Variants in MUC4 observed in about 807,000 individuals in gnomAD.
The protein encoded by MUC4 is mucin 4, cell surface associated.
In MUC4, 202 loss-of-function variants were observed where a neutral mutation model predicts 257.9. That is an observed-to-expected ratio of 0.78 (90% CI 0.70 to 0.88). The LOEUF is 0.88. Among genes scored for constraint, MUC4 ranks in the 40% least tolerant of loss-of-function variants. The pLI is 0.00. For missense variants in MUC4, 5,976 were observed against 6,513.7 expected, an observed-to-expected ratio of 0.92 and a Z score of 2.84; for synonymous variants, 2,351 against 2,757.1, an observed-to-expected ratio of 0.85 and a Z score of 4.62.
chr3:195,790,461 A>G lies in MUC4; in HGVS notation c.1119T>C (p.Gly373=). The G allele has an allele frequency of 6.2e-7, 1 of 1,613,956 alleles. No individual in the cohort carries two copies. The highest frequency in any genetic ancestry group is 8.5e-7 in the Non-Finnish European group (1 of 1,179,850). The change falls in exon 2 of 25, where the codon GGT becomes GGC. Residue 373 remains glycine, a synonymous_variant. Transcript: ENST00000463781. ...GTVSQETFPS[G]ETTTSSPSSV... Reference sequence around the variant, plus strand: ...TGGAAGGGGATGAGGTGGTTGTTTCACCAGAAGGGAATGTCTCCTGAGAAA... The same window carrying G: ...TGGAAGGGGATGAGGTGGTTGTTTCGCCAGAAGGGAATGTCTCCTGAGAAA...
At chr3:195,754,815 CAT>C (rs1212331453) in intron 18 of MUC4, among the ~76,000 whole-genome samples, 43 of 17,328 alleles carry the variant, frequency 2.5e-3, no homozygotes, top group Non-Finnish European at 0.012. Context: ...TGTATGTATC[CAT>C]GTGTGTATCC....
intron 7 of MUC4, 46 bp from the exon 8 acceptor site, chr3:195,766,797 T>G: frequency 4.3e-5 from 68 of 1,565,368 alleles, no homozygotes; most frequent in Non-Finnish European, 5.5e-5. Context: ...GCACAGGCTC[T>G]TGCCTCGCGG....
At chr3:195,805,765 G>A (rs1560422595) in intron 1 of MUC4, among the ~76,000 whole-genome samples, 1 of 151,948 alleles carries the variant, frequency 6.6e-6, no homozygotes, top group Admixed American at 6.5e-5. Flanking sequence ...CCAGAGTGCT[G>A]GGATGACAGC....
chr3:195,751,632 G>A (rs1279810846), intron 21 of MUC4: 4 of 383,572 alleles, frequency 1.0e-5, no homozygotes, highest in Non-Finnish European at 1.9e-5. Flanking sequence ...GATGGTCGGG[G>A]CTGGGGGTGT....
At position 195,784,932 on chromosome 3, in the gene MUC4, T is replaced by C. The variant is rs751630829; in HGVS notation, c.6648A>G (p.Ser2216=). The C allele has an allele frequency of 7.0e-7, 1 of 1,435,556 alleles. No homozygotes were observed. Among genetic ancestry groups the C allele is most frequent in the Non-Finnish European group, 9.5e-7 (1 of 1,054,010 alleles). The allele number at this position is 1,435,556 out of a possible 1,614,324, so 88.9% of individuals were successfully genotyped here. A position where few individuals can be genotyped will look rare whatever the true frequency, so the allele number is the denominator to read the frequency against. Residue 2216 remains serine (S), a synonymous_variant, in exon 2 of 25, where the codon TCA becomes TCG. Transcript: ENST00000463781. ...ATPLPVTSPS[S]ASTGHAIPLL... is the part of the protein sequence containing the mutation. Reference sequence around the variant, plus strand: ...GAGGGATGGCGTGACCTGTGGATGCTGAGGAAGGGCTGGTGACAGGAAGAG... The same window carrying C: ...GAGGGATGGCGTGACCTGTGGATGCCGAGGAAGGGCTGGTGACAGGAAGAG...
Position 195,781,175 on chromosome 3 carries a change from C to T in MUC4, c.10405G>A (p.Asp3469Asn), listed in dbSNP as rs76458038. Residue 3469 changes from aspartate (D) to asparagine (N), a missense_variant, in exon 2 of 25, where the codon GAC becomes AAC. Transcript: ENST00000463781. ...VTDTSSASTGDTTPLPVTSPS... is the reference protein window; with the variant it reads ...VTDTSSASTGNTTPLPVTSPS... The stretch of plus-strand genomic sequence containing the variant: ...CTGGTGACAGGAAGAGGGGTGGTGT[C>T]ACCTGTGGATGCTGAGGAAGTGTCG... The T allele has an allele frequency of 2.6e-5, 27 of 1,036,146 alleles. No homozygotes were observed. Among genetic ancestry groups the T allele is most frequent in the Admixed American group, 3.4e-5 (1 of 29,730 alleles). The allele number at this position is 1,036,146 out of a possible 1,614,324, so 64.2% of individuals were successfully genotyped here.
chr3:195,754,952 G>GTGTATCCATATGTGTA (rs1717359525), intron 18 of MUC4, among the ~76,000 whole-genome samples: 1 of 129,282 alleles, frequency 7.7e-6, no homozygotes, highest in Admixed American at 7.9e-5. Context: ...ATCCATATGT[G>GTGTATCCATATGTGTA]TGTATCCATG....
chr3:195,801,552 G>A (rs1226336263), intron 1 of MUC4, among the ~76,000 whole-genome samples: 1 of 151,918 alleles, frequency 6.6e-6, no homozygotes, highest in East Asian at 1.9e-4. Flanking sequence ...GGTGTCTGTT[G>A]GCCTAAAACA....
intron 18 of MUC4, among the ~76,000 whole-genome samples, chr3:195,754,822 G>A (rs1265749215): frequency 6.6e-6 from 1 of 151,684 alleles, no homozygotes; most frequent in African/African-American, 2.4e-5. Flanking sequence ...ATCCATGTGT[G>A]TATCCATGTG....
rs1181738703 is a variant in MUC4, at chr3:195,764,134, C to T, written c.13955G>A (p.Cys4652Tyr). The T allele has an allele frequency of 1.3e-6, 2 of 1,585,398 alleles. No homozygotes were observed. Among genetic ancestry groups the T allele is most frequent in the Non-Finnish European group, 8.6e-7 (1 of 1,166,172 alleles). ...AQELEPQSWC[C>Y]RWNDKPYLCA... ...GAGGTAGGGCTTGTCATTCCAGCGGCAGCACCAGCTCTGTGGCTCCAGTTC... is the reference window on the plus strand; with the variant it reads ...GAGGTAGGGCTTGTCATTCCAGCGGTAGCACCAGCTCTGTGGCTCCAGTTC... The change falls in exon 11 of 25, where the codon TGC (cysteine) becomes TAC (tyrosine). Residue 4652 changes from cysteine (C) to tyrosine (Y), a missense_variant. This residue lies in a region of MUC4 where 996 missense variants were observed against 1,137.3 expected (regional missense o/e 0.88). Transcript: ENST00000463781.
chr3:195,811,634 C>G, intron 1 of MUC4, 102 bp downstream of exon 1: 1 of 655,072 alleles, frequency 1.5e-6, no homozygotes, highest in Non-Finnish European at 2.4e-6. Context: ...CCCCTATTCT[C>G]TCTCTCTCTC....
At chr3:195,763,984 C>A (rs957023412) in intron 11 of MUC4, 61 bp downstream of exon 11, 25 of 1,558,464 alleles carry the variant, frequency 1.6e-5, no homozygotes, top group Non-Finnish European at 2.2e-5. Context: ...TGCCACCTCC[C>A]GGAAGCCCAG....
chr3:195,760,314 G>A (rs189193242), intron 16 of MUC4, among the ~76,000 whole-genome samples: 4 of 152,342 alleles, frequency 2.6e-5, no homozygotes, highest in African/African-American at 4.8e-5. Context: ...GAATGAAGAC[G>A]TAAAGAAGGT....
At chr3:195,763,991 C>G in intron 11 of MUC4, 54 bp downstream of exon 11, 1 of 1,571,272 alleles carries the variant, frequency 6.4e-7, no homozygotes, top group South Asian at 1.2e-5. Context: ...TCCCGGAAGC[C>G]CAGAAGCTCC....
In MUC4 at chr3:195,778,437, A is replaced by G; in HGVS notation, c.12809T>C (p.Leu4270Pro). ...TGTGCGTCTCCCACCGTCTGTCTTC[A>G]GTGACGGTGTTGTCATTCCTGGACA... ...METPGMTTPS[L>P]KTDGGRRTAT... The change falls in exon 3 of 25, where the codon CTG becomes CCG. Residue 4270 changes from leucine to proline, a missense_variant. Leu to Pro is a moderately conservative substitution (Grantham distance 98). This residue lies in a region of MUC4 where 233 missense variants were observed against 171.2 expected (regional missense o/e 1.36). Transcript: ENST00000463781. 6.2e-7 allele frequency: 1 copy of G among 1,612,864 alleles called. No individual in the cohort carries two copies. The highest frequency in any genetic ancestry group is 8.5e-7 in the Non-Finnish European group (1 of 1,179,788).
chr3:195,793,501 CA>C (rs63134260), intron 1 of MUC4, among the ~76,000 whole-genome samples: 9 of 132,248 alleles, frequency 6.8e-5, no homozygotes, highest in East Asian at 2.0e-4. Context: ...GATTCTGTCT[CA>C]AAAAAAAAAT....
chr3:195,748,876 C>T (rs373790093), intron 24 of MUC4, 26 bp downstream of exon 24: 2 of 1,539,238 alleles, frequency 1.3e-6, no homozygotes, highest in South Asian at 1.3e-5. Flanking sequence ...CACTGTCCTC[C>T]ACCTCCTGGC....
At chr3:195,805,997 T>C (rs1323785177) in intron 1 of MUC4, among the ~76,000 whole-genome samples, 3 of 104,790 alleles carry the variant, frequency 2.9e-5, no homozygotes, top group African/African-American at 8.6e-5. Context: ...GTGCCTGTGA[T>C]CCCAGCTACT....
chr3:195,791,858 A>T (rs1733905168), intron 1 of MUC4, among the ~76,000 whole-genome samples: 1 of 152,226 alleles, frequency 6.6e-6, no homozygotes, highest in South Asian at 2.1e-4. Context: ...CTGATCTTTG[A>T]CAAACCTGAC....
Sources: allele counts gnomAD v4.1 joint callset (sites outside exome capture counted in the v4.1 genomes callset), GRCh38; gene constraint gnomAD v4.1.1; regional missense constraint gnomAD v4.1.1; transcripts MANE v1.5; gene names NCBI Gene and HGNC (gene_info 2026-07-23, HGNC 2026-07-21).